CAVIN2: variants seen among roughly 807,000 people sequenced by gnomAD.
CAVIN2 encodes caveolae associated protein 2.
In CAVIN2, 13 loss-of-function variants were observed where a neutral mutation model predicts 11.7. The ratio of observed to expected loss-of-function variants is 1.11; its 90% CI spans 0.72 to 1.77. The LOEUF (loss-of-function observed/expected upper bound fraction) is 1.77. Among genes scored for constraint, CAVIN2 ranks in the 40% most tolerant of loss-of-function variants. The pLI is 0.00. For synonymous variants in CAVIN2, 237 were observed against 223.2 expected (o/e 1.06, Z -0.55); for missense variants, 549 against 542.9 (o/e 1.01, Z -0.11).
At position 191,836,060 on chromosome 2, in the gene CAVIN2, CT is replaced by C; in HGVS notation, c.1140del (p.Glu381ArgfsTer21). Reference sequence around the variant, plus strand: ...TGTTCCAGGGCCACTGACTCCTCCTCTTCATCTTCCACAATAGTCAAGTCGA... The same window carrying C: ...TGTTCCAGGGCCACTGACTCCTCCTCTCATCTTCCACAATAGTCAAGTCGA... ...SNIDLTIVED[E>X]EEESVALEQA... On this transcript the variant is annotated frameshift_variant, in exon 2 of 2. Transcript: ENST00000304141. LOFTEE classifies it low-confidence loss of function (END_TRUNC). The C allele has an allele frequency of 6.2e-7, 1 of 1,614,234 alleles. No individual in the cohort carries two copies. The highest frequency in any genetic ancestry group is 8.5e-7 in the Non-Finnish European group (1 of 1,180,040).
At position 191,836,525 on chromosome 2, in the gene CAVIN2, T is replaced by G. The variant is rs553613849; in HGVS notation, c.676A>C (p.Ser226Arg). 3.4e-5 allele frequency: 55 copies of G among 1,614,170 alleles called. No homozygotes were observed. The Middle Eastern group carries it at 4.9e-4, about 15-fold the overall frequency. Residue 226 changes from serine (S) to arginine (R), a missense_variant, in exon 2 of 2, where the codon AGT becomes CGT. Coordinates refer to ENST00000304141, the MANE Select transcript of CAVIN2 (RefSeq NM_004657.6). Reference protein sequence around the residue: ...EDSAEEKVEESRAEKIKRSSL... With the variant: ...EDSAEEKVEERRAEKIKRSSL... Reference sequence around the variant, plus strand: ...GATCTTTTTATTTTCTCTGCCCTACTTTCTTCCACCTTTTCCTCGGCACTG... The same window carrying G: ...GATCTTTTTATTTTCTCTGCCCTACGTTCTTCCACCTTTTCCTCGGCACTG...
intron 1 of CAVIN2, among the ~76,000 whole-genome samples, chr2:191,840,304 T>C (rs1690075582): frequency 6.6e-6 from 1 of 152,216 alleles, no homozygotes; most frequent in South Asian, 2.1e-4. Flanking sequence ...TCGTAGCTCC[T>C]GAAAATGGCA....
chr2:191,835,871 A>G lies in CAVIN2; in HGVS notation c.*52T>C. 6.5e-7 allele frequency: 1 copy of G among 1,544,996 alleles called. No homozygotes were observed. Among genetic ancestry groups the G allele is most frequent in the Non-Finnish European group, 8.7e-7 (1 of 1,145,324 alleles). On this transcript the variant is annotated 3_prime_UTR_variant, in exon 2 of 2. Coordinates refer to ENST00000304141, the MANE Select transcript of CAVIN2 (RefSeq NM_004657.6). ...GGAGATGTGCAAGAGTTTGTTCTTC[A>G]GCCCTGGCTGCCCGCTTGAGCACAG... is the stretch of plus-strand genomic sequence containing the variant.
chr2:191,846,312 G>C, intron 1 of CAVIN2, 131 bp downstream of exon 1: 1 of 1,125,392 alleles, frequency 8.9e-7, no homozygotes, highest in African/African-American at 1.6e-5. Context: ...GCAGACAGGG[G>C]ACAGTGCCTT....
Position 191,834,780 on chromosome 2 carries a change from T to A in CAVIN2, c.*1143A>T, listed in dbSNP as rs1689987042. 6.6e-6 allele frequency: 1 copy of A among 152,068 alleles called. No individual in the cohort carries two copies. Among genetic ancestry groups the A allele is most frequent in the Non-Finnish European group, 1.5e-5 (1 of 67,972 alleles). 9.4% of individuals were successfully genotyped at this position (152,068 alleles called of 1,614,324 possible). ...AATATAATCTGGAATGAAATTCCCA[T>A]TATGTACAAAAAAAGAAAAAATAGA... On this transcript the variant is annotated 3_prime_UTR_variant, in exon 2 of 2. Coordinates refer to ENST00000304141, the MANE Select transcript of CAVIN2 (RefSeq NM_004657.6).
rs2105739133 is a variant in CAVIN2 at position 191,846,651 on chromosome 2, C to T, written c.275G>A (p.Gly92Asp). 2 of 1,614,190 alleles carry T rather than the reference C, an allele frequency of 1.2e-6. No individual in the cohort carries two copies. The highest frequency in any genetic ancestry group is 2.2e-5 in the East Asian group (1 of 44,870). ...RQISLEGSVK[G>D]IQNDLTKLSK... The stretch of plus-strand genomic sequence containing the variant: ...GAGCTTGGTGAGGTCATTCTGGATG[C>T]CCTTCACGGAGCCCTCCAAACTGAT... Residue 92 changes from glycine (G) to aspartate (D), a missense_variant, in exon 1 of 2, where the codon GGC (glycine) becomes GAC (aspartate). Transcript: ENST00000304141.
rs752211460 is a variant in CAVIN2 at position 191,835,938 on chromosome 2, C to T, written c.1263G>A (p.Val421=). The T allele has an allele frequency of 2.5e-6, 4 of 1,612,026 alleles. No homozygotes were observed. Among genetic ancestry groups the T allele is most frequent in the East Asian group, 2.2e-5 (1 of 44,884 alleles). ...GDPVQPAVLQ[V]HQTS is the part of the protein sequence containing the mutation. ...GGCTCTAAGCTCAGGAGGTCTGGTG[C>T]ACCTGGAGCACGGCGGGCTGCACGG... The change falls in exon 2 of 2, where the codon GTG becomes GTA. Residue 421 remains valine (V), a synonymous_variant. Transcript: ENST00000304141.
At position 191,835,691 on chromosome 2, in the gene CAVIN2, G is replaced by A; in HGVS notation, c.*232C>T. On this transcript the variant is annotated 3_prime_UTR_variant, in exon 2 of 2. Transcript: ENST00000304141. ...CTGCTCAGTTTCTTCTTCAATCTTG[G>A]AGACATTCTACAGAGATAGAACCTA... The A allele has an allele frequency of 2.1e-6, 1 of 481,230 alleles. No individual in the cohort carries two copies. Among genetic ancestry groups the A allele is most frequent in the Non-Finnish European group, 3.7e-6 (1 of 272,992 alleles). The allele number at this position is 481,230 out of a possible 1,614,324, so 29.8% of individuals were successfully genotyped here. A position where few individuals can be genotyped will look rare whatever the true frequency, so the allele number is the denominator to read the frequency against.
chr2:191,836,786 T>C (rs968186737), intron 1 of CAVIN2, 69 bp from the exon 2 acceptor site: 5 of 1,402,172 alleles, frequency 3.6e-6, no homozygotes, highest in East Asian at 2.4e-5. Context: ...GCTGCTGTAA[T>C]ACGTGTGTCT....
chr2:191,846,166 G>A (rs1690162436), intron 1 of CAVIN2, among the ~76,000 whole-genome samples: 1 of 152,220 alleles, frequency 6.6e-6, no homozygotes, highest in African/African-American at 2.4e-5. Context: ...TTCCCAACCT[G>A]TACAGAGTGC....
rs766219733 is a variant in CAVIN2, at chr2:191,846,909, G to A, written c.17C>T (p.Ala6Val). 1 of 1,610,694 alleles carries A rather than the reference G, an allele frequency of 6.2e-7. No individual in the cohort carries two copies. The highest frequency in any genetic ancestry group is 8.5e-7 in the Non-Finnish European group (1 of 1,178,438). Reference sequence around the variant, plus strand: ...AGGGTGCTGGAACTTTTCGGCCTGTGCAGCGTCCTCTCCCATGGCTAGGCA... The same window carrying A: ...AGGGTGCTGGAACTTTTCGGCCTGTACAGCGTCCTCTCCCATGGCTAGGCA... MGEDA[A>V]QAEKFQHPGS... Residue 6 changes from alanine (A) to valine (V), a missense_variant, in exon 1 of 2, where the codon GCA becomes GTA. Physicochemically the swap from Ala to Val is moderately conservative, Grantham distance 64. Transcript: ENST00000304141.
rs1228505176 is a variant in CAVIN2 at position 191,836,017 on chromosome 2, T to C, written c.1184A>G (p.Tyr395Cys). Reference protein sequence around the residue: ...VALEQAQKVRYEGSYALTSEE... With the variant: ...VALEQAQKVRCEGSYALTSEE... ...GGATGTTAGCGCGTAGCTACCCTCA[T>C]AGCGTACCTTCTGTGCCTGTTCCAG... Residue 395 changes from tyrosine (Y) to cysteine (C), a missense_variant, in exon 2 of 2, where the codon TAT (tyrosine) becomes TGT (cysteine). Physicochemically the swap from Tyr to Cys is radical, Grantham distance 194. Coordinates refer to ENST00000304141, the MANE Select transcript of CAVIN2 (RefSeq NM_004657.6). 1.1e-5 allele frequency: 17 copies of C among 1,614,094 alleles called. No homozygotes were observed. Among genetic ancestry groups the C allele is most frequent in the Admixed American group, 1.7e-5 (1 of 60,008 alleles).
chr2:191,835,814 G>T lies in CAVIN2; in HGVS notation c.*109C>A. The T allele has an allele frequency of 9.2e-7, 1 of 1,085,990 alleles. No individual in the cohort carries two copies. The highest frequency in any genetic ancestry group is 1.3e-6 in the Non-Finnish European group (1 of 767,114). 67.3% of individuals were successfully genotyped at this position (1,085,990 alleles called of 1,614,324 possible). On this transcript the variant is annotated 3_prime_UTR_variant, in exon 2 of 2. Coordinates refer to ENST00000304141, the MANE Select transcript of CAVIN2 (RefSeq NM_004657.6). Reference sequence around the variant, plus strand: ...ACTATATGGTCAATGATTACTGCCTGGACAGGAACGCAGGAGTGGGTGAGT... The same window carrying T: ...ACTATATGGTCAATGATTACTGCCTTGACAGGAACGCAGGAGTGGGTGAGT...
At chr2:191,838,020 G>A (rs1690046194) in intron 1 of CAVIN2, among the ~76,000 whole-genome samples, 1 of 152,216 alleles carries the variant, frequency 6.6e-6, no homozygotes, top group Admixed American at 6.5e-5. Context: ...ATGCCAGAGG[G>A]GGGCAAAGCT....
chr2:191,842,165 A>G (rs1574195537), intron 1 of CAVIN2, among the ~76,000 whole-genome samples: 1 of 152,186 alleles, frequency 6.6e-6, no homozygotes, highest in Non-Finnish European at 1.5e-5. Flanking sequence ...GACCTTATCA[A>G]AGGAACCCAA....
In CAVIN2 at chr2:191,836,327, C is replaced by G. The variant is rs908937946; in HGVS notation, c.874G>C (p.Val292Leu). The G allele has an allele frequency of 1.2e-5, 19 of 1,613,990 alleles. No individual in the cohort carries two copies. The highest frequency in any genetic ancestry group is 1.5e-5 in the Non-Finnish European group (18 of 1,180,046). ...TTCCGCCCGAAAGTGAGGGGAGAAA[C>G]CTTGAAGGGGGAGCTTTTTCCTGAG... ...ISSGKSSPFKVSPLTFGRKKV... is the reference protein window; with the variant it reads ...ISSGKSSPFKLSPLTFGRKKV... Residue 292 changes from valine (V) to leucine (L), a missense_variant, in exon 2 of 2, where the codon GTT (valine) becomes CTT (leucine). By Grantham distance (32) the Val-to-Leu change is conservative. Coordinates refer to ENST00000304141, the MANE Select transcript of CAVIN2 (RefSeq NM_004657.6).
At position 191,839,017 on chromosome 2, in the gene CAVIN2, T is replaced by C. The variant is rs930669233; in HGVS notation, c.484-2300A>G. On this transcript the variant is annotated intron_variant, in intron 1 of 1. Coordinates refer to ENST00000304141, the MANE Select transcript of CAVIN2 (RefSeq NM_004657.6). ...GATTTTCTTTGCAGTGGATGGGTGT[T>C]ACTAAAAGAGGGTTAGACAACTGAA... Among the ~76,000 whole-genome samples the C allele has an allele frequency of 9.2e-5, 14 of 152,218 alleles. 1 individual carries two copies. Among genetic ancestry groups the C allele is most frequent in the Admixed American group, 9.2e-4 (14 of 15,276 alleles).
intron 1 of CAVIN2, among the ~76,000 whole-genome samples, chr2:191,838,785 A>G (rs1001805622): frequency 3.3e-5 from 5 of 152,204 alleles, no homozygotes; most frequent in Admixed American, 2.6e-4. Context: ...TGCTTGTTAA[A>G]TGAGTGCATG....
chr2:191,844,504 G>C (rs1225351836), intron 1 of CAVIN2, among the ~76,000 whole-genome samples: 1 of 152,146 alleles, frequency 6.6e-6, no homozygotes, highest in African/African-American at 2.4e-5. Context: ...TGTCCTTGGG[G>C]ATTGTTTTCT....
Sources: gnomAD v4.1 joint callset for allele counts (sites outside exome capture counted in the v4.1 genomes callset) on GRCh38, gnomAD v4.1.1 for gene constraint, MANE v1.5 for transcripts, NCBI Gene and HGNC (gene_info 2026-07-23, HGNC 2026-07-21) for gene names.